Variants in ETV1 observed in about 807,000 individuals in gnomAD.
The protein encoded by ETV1 is ETS variant transcription factor 1, also known as ETS translocation variant 1.
ETV1 carries 27 observed loss-of-function variants against 62.3 expected under a neutral mutation model. The ratio of observed to expected loss-of-function variants is 0.43; its 90% CI spans 0.32 to 0.60. The LOEUF (loss-of-function observed/expected upper bound fraction) is 0.60. ETV1 is among the 20% of genes least tolerant of loss of function. ETV1 has a pLI of 0.06. For synonymous variants in ETV1, 222 were observed against 199.6 expected, an observed-to-expected ratio of 1.11 and a Z score of -0.94; for missense variants, 605 against 605.8, an observed-to-expected ratio of 1.00 and a Z score of 0.01.
At chr7:13,935,461 G>A (rs1041195257) in intron 8 of ETV1, among the ~76,000 whole-genome samples, 13 of 152,194 alleles carry the variant, frequency 8.5e-5, no homozygotes, top group East Asian at 1.9e-4. Flanking sequence ...ATGCTCAAAT[G>A]TCAGTAGATA....
chr7:13,976,823 A>C (rs1392318306), intron 6 of ETV1, among the ~76,000 whole-genome samples: 2 of 152,186 alleles, frequency 1.3e-5, no homozygotes, highest in African/African-American at 4.8e-5. Context: ...ACCCAGGAGC[A>C]AGGCTTAGGG....
At chr7:13,919,088 C>A (rs1303612723) in intron 9 of ETV1, among the ~76,000 whole-genome samples, 1 of 151,972 alleles carries the variant, frequency 6.6e-6, no homozygotes, top group Non-Finnish European at 1.5e-5. Context: ...AATGGGAATC[C>A]TTTATTATTG....
intron 13 of ETV1, among the ~76,000 whole-genome samples, chr7:13,898,792 T>C (rs1279976513): frequency 1.3e-5 from 2 of 152,200 alleles, no homozygotes; most frequent in Non-Finnish European, 2.9e-5. Flanking sequence ...AGTTTTCCTC[T>C]GAATGACTAT....
At chr7:13,910,554 A>T (rs1187572154) in intron 10 of ETV1, 4 of 490,900 alleles carry the variant, frequency 8.1e-6, no homozygotes, top group Non-Finnish European at 1.1e-5. Context: ...CAAAATAACC[A>T]ATATTAGACC....
rs765697212 is a variant in ETV1 at position 13,986,064 on chromosome 7, A to G, written c.181+574T>C. On this transcript the variant is annotated intron_variant, in intron 5 of 13. Transcript: ENST00000430479. ...CATGGAAAACATTTTTAAAATCCTCATATCTCCCATTTATTTTAAACCCAT... is the reference window on the plus strand; with the variant it reads ...CATGGAAAACATTTTTAAAATCCTCGTATCTCCCATTTATTTTAAACCCAT... 34 of 1,344,116 alleles carry G rather than the reference A, an allele frequency of 2.5e-5. No individual in the cohort carries two copies. In the South Asian group the frequency reaches 2.5e-4, roughly 10 times the overall value. 83.3% of individuals were successfully genotyped at this position (1,344,116 alleles called of 1,614,324 possible). A position where few individuals can be genotyped will look rare whatever the true frequency, so the allele number is the denominator to read the frequency against.
chr7:13,900,908 T>G, intron 12 of ETV1, 69 bp from the exon 13 acceptor site: 2 of 1,070,592 alleles, frequency 1.9e-6, no homozygotes. Flanking sequence ...AAAAATTATT[T>G]AATTAATTAC....
Position 13,985,239 on chromosome 7 carries a change from C to G in ETV1, c.181+1399G>C, listed in dbSNP as rs1238259512. On this transcript the variant is annotated intron_variant, in intron 5 of 13. Transcript: ENST00000430479. The stretch of plus-strand genomic sequence containing the variant: ...CTCCATGCAAATTTTCCTTGAAAAA[C>G]TTGTATCTGAATATGACTTATGTTG... The G allele has an allele frequency of 2.0e-5, 3 of 151,980 alleles. No individual in the cohort carries two copies. The East Asian group carries it at 5.8e-4, about 29-fold the overall frequency. 9.4% of individuals were successfully genotyped at this position (151,980 alleles called of 1,614,324 possible).
At chr7:13,971,797 G>C (rs1780928660) in intron 6 of ETV1, among the ~76,000 whole-genome samples, 1 of 152,150 alleles carries the variant, frequency 6.6e-6, no homozygotes. Flanking sequence ...CAAAATGAAA[G>C]GTGGTAGATT....
rs1562575645 is a variant in ETV1 at position 13,895,908 on chromosome 7, G to T, written c.1392C>A (p.Gly464=). Residue 464 remains glycine, a synonymous_variant, in exon 14 of 14, where the codon GGC becomes GGA. Coordinates refer to ENST00000430479, the MANE Select transcript of ETV1 (RefSeq NM_004956.5). ...DESMAYMPEG[G]CCNPHPYNEG... is the part of the protein sequence containing the mutation. ...CGTTGTAGGGGTGGGGGTTGCAGCA[G>T]CCCCCTTCCGGCATGTAGGCCATGC... is the stretch of plus-strand genomic sequence containing the variant. 1 of 1,613,600 alleles carries T rather than the reference G, an allele frequency of 6.2e-7. No individual in the cohort carries two copies. The highest frequency in any genetic ancestry group is 1.7e-5 in the Admixed American group (1 of 59,976).
intron 11 of ETV1, among the ~76,000 whole-genome samples, chr7:13,909,163 A>T (rs932989858): frequency 2.0e-5 from 3 of 151,554 alleles, no homozygotes; most frequent in African/African-American, 7.3e-5. Context: ...AGGGACTAAC[A>T]ATCACTAACT....
At chr7:13,951,988 A>G (rs1788873146) in intron 6 of ETV1, among the ~76,000 whole-genome samples, 1 of 152,180 alleles carries the variant, frequency 6.6e-6, no homozygotes, top group Admixed American at 6.6e-5. Flanking sequence ...TTACTTCACT[A>G]CTTTTTCTAT....
chr7:13,955,624 C>A (rs1789339274), intron 6 of ETV1, among the ~76,000 whole-genome samples: 1 of 152,106 alleles, frequency 6.6e-6, no homozygotes, highest in Non-Finnish European at 1.5e-5. Flanking sequence ...TGAGGAGACA[C>A]TGTGTAAGAC....
At chr7:13,923,888 C>T (rs374694250) in intron 9 of ETV1, among the ~76,000 whole-genome samples, 207 of 151,918 alleles carry the variant, frequency 1.4e-3, no homozygotes, top group African/African-American at 4.7e-3. Flanking sequence ...CAAAATTAGC[C>T]GGGCATGGTG....
chr7:13,972,046 G>T (rs2107765), intron 6 of ETV1, among the ~76,000 whole-genome samples: 116,517 of 152,052 alleles, frequency 0.77, 45,365 homozygotes, highest in African/African-American at 0.91. Context: ...GGAGGCAGGA[G>T]TTGCAGTGAG....
intron 6 of ETV1, among the ~76,000 whole-genome samples, chr7:13,946,924 G>A (rs1788232127): frequency 6.6e-6 from 1 of 152,172 alleles, no homozygotes; most frequent in Admixed American, 6.5e-5. Flanking sequence ...AAGTAGCTGG[G>A]ATTACAGGTG....
intron 5 of ETV1, among the ~76,000 whole-genome samples, chr7:13,980,202 CTACTTAAA>C (rs1781845984): frequency 6.6e-6 from 1 of 152,098 alleles, no homozygotes; most frequent in Non-Finnish European, 1.5e-5. Flanking sequence ...AAGCAGCATG[CTACTTAAA>C]TAGACAAAGG....
intron 8 of ETV1, among the ~76,000 whole-genome samples, chr7:13,935,045 T>C (rs1227767383): frequency 1.3e-5 from 2 of 152,222 alleles, no homozygotes; most frequent in Non-Finnish European, 2.9e-5. Context: ...TTTAGTATTT[T>C]ACTTAAATAT....
At chr7:13,943,120 C>G (rs1007768312) in intron 6 of ETV1, among the ~76,000 whole-genome samples, 8 of 152,136 alleles carry the variant, frequency 5.3e-5, no homozygotes, top group African/African-American at 1.7e-4. Context: ...TGCAAAATAT[C>G]AGTAAGACAA....
In ETV1 at chr7:13,976,827, C is replaced by T. The variant is rs576572945; in HGVS notation, c.235+600G>A. Among the ~76,000 whole-genome samples the T allele has an allele frequency of 2.0e-5, 3 of 152,262 alleles. No homozygotes were observed. In the South Asian group the frequency reaches 6.2e-4, roughly 32 times the overall value. On this transcript the variant is annotated intron_variant, in intron 6 of 13. Transcript: ENST00000430479. Reference sequence around the variant, plus strand: ...TTCTCTGACAGACCCAGGAGCAAGGCTTAGGGAAAGGAACGCAGAAGGAAG... The same window carrying T: ...TTCTCTGACAGACCCAGGAGCAAGGTTTAGGGAAAGGAACGCAGAAGGAAG...
Sources: allele counts gnomAD v4.1 joint callset (sites outside exome capture counted in the v4.1 genomes callset), GRCh38; gene constraint gnomAD v4.1.1; transcripts MANE v1.5; gene names NCBI Gene and HGNC (gene_info 2026-07-23, HGNC 2026-07-21).